The following PSMG2 variants were observed in gnomAD, a reference collection of about 807,000 sequenced individuals.
PSMG2 encodes proteasome assembly chaperone 2.
Under a neutral mutation model 31.5 loss-of-function variants are expected in PSMG2, and 21 were observed. The ratio of observed to expected loss-of-function variants is 0.67; its 90% CI spans 0.47 to 0.96. The LOEUF (loss-of-function observed/expected upper bound fraction) is 0.96, where lower values mean the gene tolerates loss of function less well. Among genes scored for constraint, PSMG2 ranks in the 40% least tolerant of loss-of-function variants. The pLI is 0.00. For synonymous variants in PSMG2, 120 were observed against 110.4 expected (o/e 1.09, Z -0.54); for missense variants, 318 against 321.2 (o/e 0.99, Z 0.08).
intron 4 of PSMG2, among the ~76,000 whole-genome samples, chr18:12,718,926 G>A (rs2040403750): frequency 6.6e-6 from 1 of 152,124 alleles, no homozygotes; most frequent in East Asian, 1.9e-4. Context: ...ACATCACAGA[G>A]CTCAGCTAAT....
chr18:12,709,534 T>C (rs2040307640), intron 2 of PSMG2, among the ~76,000 whole-genome samples: 1 of 151,696 alleles, frequency 6.6e-6, no homozygotes, highest in African/African-American at 2.4e-5. Flanking sequence ...GTTTTGCTCT[T>C]GTTGCCCAGG....
At chr18:12,697,206 T>C (rs577392426) in intron 1 of PSMG2, 18 of 1,540,086 alleles carry the variant, frequency 1.2e-5, no homozygotes, top group Admixed American at 3.9e-5. Flanking sequence ...TTAACAATGA[T>C]ATATTAATCA....
At chr18:12,688,592 A>C (rs1368650865) in intron 1 of PSMG2, among the ~76,000 whole-genome samples, 2 of 152,238 alleles carry the variant, frequency 1.3e-5, no homozygotes, top group African/African-American at 4.8e-5. Flanking sequence ...TTCTAATATT[A>C]TCTAAATATA....
chr18:12,674,865 TATC>T (rs767577837), intron 1 of PSMG2: 96 of 565,928 alleles, frequency 1.7e-4, no homozygotes, highest in Non-Finnish European at 2.5e-4. Flanking sequence ...TTTTAAAAGC[TATC>T]ATAATATTTT....
chr18:12,681,255 CAT>C (rs1491416132), intron 1 of PSMG2, among the ~76,000 whole-genome samples: 3 of 114,802 alleles, frequency 2.6e-5, no homozygotes, highest in Admixed American at 8.8e-5. Flanking sequence ...AAAAGTAGAA[CAT>C]TTTTTTTTTT....
At chr18:12,675,231 C>T (rs1285958976) in intron 1 of PSMG2, among the ~76,000 whole-genome samples, 1 of 151,980 alleles carries the variant, frequency 6.6e-6, no homozygotes, top group African/African-American at 2.4e-5. Context: ...CCTGTATCTA[C>T]TAAAAATACA....
rs767528376 is a variant in PSMG2 at position 12,720,493 on chromosome 18, T to C, written c.408-17T>C. On this transcript the variant is annotated splice_polypyrimidine_tract_variant and intron_variant, in intron 4 of 6. Transcript: ENST00000317615. ...GCTTTAGAGTTTTTAAAAAGTTAACTATATGATTATTTCTAGTACTCCCTT... is the reference window on the plus strand; with the variant it reads ...GCTTTAGAGTTTTTAAAAAGTTAACCATATGATTATTTCTAGTACTCCCTT... The C allele has an allele frequency of 3.7e-5, 57 of 1,550,242 alleles. No homozygotes were observed. Among genetic ancestry groups the C allele is most frequent in the Non-Finnish European group, 4.8e-5 (55 of 1,149,810 alleles).
At chr18:12,705,239 T>A (rs1392680826) in intron 1 of PSMG2, among the ~76,000 whole-genome samples, 7 of 152,072 alleles carry the variant, frequency 4.6e-5, no homozygotes, top group Non-Finnish European at 1.0e-4. Context: ...TAATTTTGTA[T>A]TTTTGGTAGA....
At chr18:12,701,576 T>C (rs1430908805), upstream of PSMG2, among the ~76,000 whole-genome samples, 1 of 151,980 alleles carries the variant, frequency 6.6e-6, no homozygotes, top group Non-Finnish European at 1.5e-5. Flanking sequence ...CTCACGATAG[T>C]GTTGTGAGGA....
chr18:12,716,416 C>T (rs557556086), intron 3 of PSMG2, among the ~76,000 whole-genome samples: 4 of 128,586 alleles, frequency 3.1e-5, no homozygotes, highest in Admixed American at 8.7e-5. Flanking sequence ...TTTTTTGAGA[C>T]GGAGTCTCGC....
chr18:12,673,800 G>A (rs1248107741), intron 1 of PSMG2, among the ~76,000 whole-genome samples: 1 of 152,172 alleles, frequency 6.6e-6, no homozygotes, highest in African/African-American at 2.4e-5. Context: ...AGAATCGCTT[G>A]AATCCAGGAG....
intron 1 of PSMG2, among the ~76,000 whole-genome samples, chr18:12,674,285 TA>T (rs1022827347): frequency 3.3e-5 from 5 of 150,814 alleles, no homozygotes; most frequent in Admixed American, 1.3e-4. Context: ...AAAATAAAGA[TA>T]AAAAAAATAG....
intron 1 of PSMG2, among the ~76,000 whole-genome samples, chr18:12,683,646 G>A (rs1305249836): frequency 6.6e-6 from 1 of 151,670 alleles, no homozygotes; most frequent in African/African-American, 2.4e-5. Context: ...AGCTACTAGG[G>A]AGGCTGAGGC....
At chr18:12,720,707 T>C (rs757741662) in intron 5 of PSMG2, 24 bp downstream of exon 5, 18 of 1,595,246 alleles carry the variant, frequency 1.1e-5, no homozygotes, top group Middle Eastern at 1.7e-4. Context: ...CCTGTTCATT[T>C]GTTTCCCACT....
chr18:12,711,905 C>T (rs1345245628), intron 2 of PSMG2, among the ~76,000 whole-genome samples: 4 of 152,068 alleles, frequency 2.6e-5, no homozygotes, highest in East Asian at 1.9e-4. Context: ...AGGTGCCCGC[C>T]GCCAAGCCTG....
intron 5 of PSMG2, among the ~76,000 whole-genome samples, chr18:12,720,948 G>A (rs1010835151): frequency 2.6e-5 from 4 of 152,124 alleles, no homozygotes; most frequent in Admixed American, 1.3e-4. Context: ...GGCGGATCAC[G>A]AGGTCAGATC....
At chr18:12,722,890 G>T (rs1248435815) in intron 5 of PSMG2, among the ~76,000 whole-genome samples, 1 of 152,166 alleles carries the variant, frequency 6.6e-6, no homozygotes, top group Non-Finnish European at 1.5e-5. Flanking sequence ...GCACAGCCTC[G>T]GAGCCAGCCT....
At chr18:12,719,376 C>CT (rs767135528) in intron 4 of PSMG2, among the ~76,000 whole-genome samples, 3 of 152,136 alleles carry the variant, frequency 2.0e-5, no homozygotes, top group African/African-American at 4.8e-5. Context: ...CTCTTATACT[C>CT]TAAGATGTAG....
At chr18:12,693,498 C>T (rs914129144) in intron 1 of PSMG2, among the ~76,000 whole-genome samples, 3 of 152,136 alleles carry the variant, frequency 2.0e-5, no homozygotes, top group African/African-American at 7.2e-5. Flanking sequence ...TTATATGTCA[C>T]ATAAATATAT....
Sources: gnomAD v4.1 joint callset for allele counts (sites outside exome capture counted in the v4.1 genomes callset) on GRCh38, gnomAD v4.1.1 for gene constraint, MANE v1.5 for transcripts, NCBI Gene and HGNC (gene_info 2026-07-23, HGNC 2026-07-21) for gene names.